The following TMTC2 variants were observed in gnomAD, a reference collection of about 807,000 sequenced individuals.
TMTC2 encodes transmembrane O-mannosyltransferase targeting cadherins 2, also known as protein O-mannosyl-transferase TMTC2.
TMTC2 carries 43 observed loss-of-function variants against 82.4 expected under a neutral mutation model. The observed-to-expected ratio is 0.52, with a 90% confidence interval of 0.41 to 0.67. TMTC2 has a LOEUF of 0.67. Among genes scored for constraint, TMTC2 ranks in the 30% least tolerant of loss-of-function variants. The pLI, the probability that TMTC2 is intolerant of heterozygous loss-of-function variation, is 0.00. For missense variants in TMTC2, 919 were observed against 1,012.4 expected, an observed-to-expected ratio of 0.91 and a Z score of 1.25; for synonymous variants, 408 against 381.9, an observed-to-expected ratio of 1.07 and a Z score of -0.80.
chr12:83,068,322 G>T (rs1050236103), intron 11 of TMTC2, among the ~76,000 whole-genome samples: 1 of 151,994 alleles, frequency 6.6e-6, no homozygotes, highest in African/African-American at 2.4e-5. Flanking sequence ...GTTCTAATGG[G>T]AAAGATATTG....
chr12:82,923,794 A>C (rs1249119895), intron 3 of TMTC2, among the ~76,000 whole-genome samples: 1 of 152,220 alleles, frequency 6.6e-6, no homozygotes, highest in Admixed American at 6.5e-5. Flanking sequence ...GAGAACTGAC[A>C]TCTTTATAAT....
chr12:83,025,309 G>T (rs961143175), intron 8 of TMTC2, among the ~76,000 whole-genome samples: 1 of 151,798 alleles, frequency 6.6e-6, no homozygotes, highest in African/African-American at 2.4e-5. Context: ...AAAGATTTGT[G>T]TTAGTTTATA....
chr12:83,064,349 G>A (rs951380827), intron 11 of TMTC2, among the ~76,000 whole-genome samples: 3 of 151,584 alleles, frequency 2.0e-5, no homozygotes, highest in Non-Finnish European at 4.4e-5. Context: ...CTTTTTTTCT[G>A]AACCCTCAAA....
At chr12:82,738,282 G>C (rs1477651939) in intron 1 of TMTC2, among the ~76,000 whole-genome samples, 1 of 152,172 alleles carries the variant, frequency 6.6e-6, no homozygotes, top group African/African-American at 2.4e-5. Flanking sequence ...CTTTACTGAT[G>C]ATGAATTGGG....
chr12:83,067,723 T>C (rs1221994384), intron 11 of TMTC2, among the ~76,000 whole-genome samples: 1 of 152,000 alleles, frequency 6.6e-6, no homozygotes, highest in African/African-American at 2.4e-5. Context: ...ACTATCTACA[T>C]GGAATAAATA....
intron 1 of TMTC2, among the ~76,000 whole-genome samples, chr12:82,770,418 G>A (rs1055420974): frequency 6.6e-6 from 1 of 152,002 alleles, no homozygotes; most frequent in African/African-American, 2.4e-5. Context: ...TTATAGTTCA[G>A]TAGGATTTTT....
At chr12:82,753,874 G>A (rs1202548840) in intron 1 of TMTC2, among the ~76,000 whole-genome samples, 1 of 152,202 alleles carries the variant, frequency 6.6e-6, no homozygotes, top group Non-Finnish European at 1.5e-5. Context: ...TAAAAATAAA[G>A]CGTACTATAT....
chr12:82,990,262 A>G (rs1879344096), intron 8 of TMTC2, among the ~76,000 whole-genome samples: 1 of 152,184 alleles, frequency 6.6e-6, no homozygotes, highest in Non-Finnish European at 1.5e-5. Context: ...AGGATTTTAT[A>G]TAAGACTTAT....
At chr12:83,122,346 T>A (rs1228575261) in intron 11 of TMTC2, among the ~76,000 whole-genome samples, 2 of 151,376 alleles carry the variant, frequency 1.3e-5, no homozygotes, top group Non-Finnish European at 2.9e-5. Flanking sequence ...GGAGACTTCC[T>A]GATCAGTTCA....
intron 1 of TMTC2, among the ~76,000 whole-genome samples, chr12:82,821,829 T>A (rs1162222580): frequency 6.9e-6 from 1 of 144,636 alleles, no homozygotes; most frequent in Non-Finnish European, 1.5e-5. Context: ...GAGGTTGCAG[T>A]GAGCCGAGAT....
At position 82,801,220 on chromosome 12, in the gene TMTC2, G is replaced by A. The variant is rs940714645; in HGVS notation, c.84-55790G>A. Among the ~76,000 whole-genome samples the A allele has an allele frequency of 1.1e-4, 16 of 152,000 alleles. 1 individual carries two copies. Among genetic ancestry groups the A allele is most frequent in the Admixed American group, 9.8e-4 (15 of 15,272 alleles). On this transcript the variant is annotated intron_variant, in intron 1 of 11. Transcript: ENST00000321196. ...CAAGAATGAAGCCGCGGACCCTTGC[G>A]GTGAGTGTTACAGTTCTTAAAGGCG...
intron 2 of TMTC2, among the ~76,000 whole-genome samples, chr12:82,875,374 G>GCATATATATATATATA (rs1032944879): frequency 1.3e-5 from 2 of 150,744 alleles, no homozygotes; most frequent in African/African-American, 4.9e-5. Context: ...ATATATGTGT[G>GCATATATATATATATA]TATATATATA....
intron 2 of TMTC2, among the ~76,000 whole-genome samples, chr12:82,861,836 A>G (rs2137122017): frequency 6.6e-6 from 1 of 152,368 alleles, no homozygotes; most frequent in Middle Eastern, 3.4e-3. Flanking sequence ...TCTTAGCTTC[A>G]GGATTTAGTT....
At chr12:82,763,605 T>C (rs1216083246) in intron 1 of TMTC2, among the ~76,000 whole-genome samples, 1 of 152,242 alleles carries the variant, frequency 6.6e-6, no homozygotes, top group Non-Finnish European at 1.5e-5. Flanking sequence ...CTTTTCAAGT[T>C]ATAAGAAAAC....
At chr12:83,114,564 C>T (rs1209000761) in intron 11 of TMTC2, among the ~76,000 whole-genome samples, 4 of 152,084 alleles carry the variant, frequency 2.6e-5, no homozygotes, top group South Asian at 2.1e-4. Context: ...TCCTCATTTC[C>T]GTGATTTTTA....
At chr12:82,966,458 T>C (rs1178740489) in intron 6 of TMTC2, among the ~76,000 whole-genome samples, 1 of 152,134 alleles carries the variant, frequency 6.6e-6, no homozygotes, top group African/African-American at 2.4e-5. Context: ...AGGATGGAGA[T>C]ACAACTTTTA....
chr12:82,818,940 A>AT (rs113615296), intron 1 of TMTC2, among the ~76,000 whole-genome samples: 4,692 of 151,310 alleles, frequency 0.031, 244 homozygotes, highest in African/African-American at 0.11. Context: ...ACTATTGTGT[A>AT]TTTTTTTTTC....
Position 82,897,537 on chromosome 12 carries a change from C to A in TMTC2, c.1483+891C>A, listed in dbSNP as rs1385795939. The stretch of plus-strand genomic sequence containing the variant: ...TTGTTCTTCATAAGCCATTTTTATT[C>A]TTTTTTGAGACCGGGTCTTGCTCTG... On this transcript the variant is annotated intron_variant, in intron 3 of 11. Transcript: ENST00000321196. 2.6e-5 allele frequency among the ~76,000 whole-genome samples: 4 copies of A among 151,934 alleles called. No homozygotes were observed. The East Asian group carries it at 7.7e-4, about 29-fold the overall frequency.
intron 1 of TMTC2, among the ~76,000 whole-genome samples, chr12:82,831,126 A>C (rs150539743): frequency 2.0e-5 from 3 of 152,350 alleles, no homozygotes; most frequent in South Asian, 2.1e-4. Context: ...AAGTTTAACA[A>C]AACCCAGGAT....
Sources: gnomAD v4.1 joint callset for allele counts (sites outside exome capture counted in the v4.1 genomes callset) on GRCh38, gnomAD v4.1.1 for gene constraint, MANE v1.5 for transcripts, NCBI Gene and HGNC (gene_info 2026-07-23, HGNC 2026-07-21) for gene names.